ADGRL2: variants seen among roughly 807,000 people sequenced by gnomAD.
ADGRL2 encodes the protein adhesion G protein-coupled receptor L2.
A neutral mutation model predicts 157.4 loss-of-function variants in ADGRL2; 44 were observed. The ratio of observed to expected loss-of-function variants is 0.28; its 90% CI spans 0.22 to 0.36. The LOEUF is 0.36. ADGRL2 is among the 10% of genes least tolerant of loss of function. ADGRL2 has a pLI of 1.00. For synonymous variants in ADGRL2, 585 were observed against 624.7 expected (o/e 0.94, Z 0.95); for missense variants, 1,510 against 1,768.9 (o/e 0.85, Z 2.63).
rs188407375 is a variant in ADGRL2 at position 81,449,974 on chromosome 1, G to T, written c.-248+4885G>T. ...CCATTTCTCTGAATAGAAAACCAGA[G>T]TCTCTGAGGCTTATCAAGCACGAGC... On this transcript the variant is annotated intron_variant, in intron 2 of 24. Coordinates refer to the ADGRL2 transcript ENST00000370721. 2.0e-5 allele frequency among the ~76,000 whole-genome samples: 3 copies of T among 152,274 alleles called. No individual in the cohort carries two copies. In the East Asian group the frequency reaches 5.8e-4, roughly 29 times the overall value.
chr1:81,326,778 A>G (rs1007098760), intron 1 of ADGRL2, among the ~76,000 whole-genome samples: 1 of 152,210 alleles, frequency 6.6e-6, no homozygotes, highest in African/African-American at 2.4e-5. Context: ...TAATAAAGGT[A>G]AGTCTAAGAA....
chr1:81,511,395 A>AAC (rs1553172023), intron 2 of ADGRL2, among the ~76,000 whole-genome samples: 1 of 118,758 alleles, frequency 8.4e-6, no homozygotes, highest in South Asian at 2.9e-4. Context: ...AAAAAAAAAA[A>AAC]GCGCGCACAC....
In ADGRL2 at chr1:81,971,837, C is replaced by T; in HGVS notation, c.2955-15C>T. On this transcript the variant is annotated splice_polypyrimidine_tract_variant and intron_variant, in intron 16 of 23. Transcript: ENST00000686636. ...ATAGAAACTACTAATGCATATTCTT[C>T]TCTTTTCATAATAGTTGCTGGCTTC... 1 of 1,532,442 alleles carries T rather than the reference C, an allele frequency of 6.5e-7. No homozygotes were observed. Among genetic ancestry groups the T allele is most frequent in the East Asian group, 2.3e-5 (1 of 44,212 alleles). The allele number at this position is 1,532,442 out of a possible 1,614,324, so 94.9% of individuals were successfully genotyped here. A position where few individuals can be genotyped will look rare whatever the true frequency, so the allele number is the denominator to read the frequency against.
At chr1:81,390,644 G>A (rs1247599329) in intron 1 of ADGRL2, among the ~76,000 whole-genome samples, 2 of 152,294 alleles carry the variant, frequency 1.3e-5, no homozygotes, top group South Asian at 2.1e-4. Context: ...ATAGATTTAT[G>A]TAGTTTTTCA....
At chr1:81,579,006 C>T (rs2148529519) in intron 2 of ADGRL2, among the ~76,000 whole-genome samples, 1 of 152,270 alleles carries the variant, frequency 6.6e-6, no homozygotes, top group African/African-American at 2.4e-5. Flanking sequence ...TCATTCCCTG[C>T]TCAGAACAGT....
chr1:81,515,569 T>C lies in ADGRL2; in HGVS notation c.-247-65307T>C, dbSNP rs191510178. ...TTCACTTTGCTATGTGACTTGTATA[T>C]GTGGGCTCTTTTATAGTTTTCATTA... is the stretch of plus-strand genomic sequence containing the variant. On this transcript the variant is annotated intron_variant, in intron 2 of 24. Transcript: ENST00000370721. Among the ~76,000 whole-genome samples the C allele has an allele frequency of 3.3e-5, 5 of 152,358 alleles. No individual in the cohort carries two copies. In the East Asian group the frequency reaches 9.6e-4, roughly 29 times the overall value.
intron 1 of ADGRL2, among the ~76,000 whole-genome samples, chr1:81,404,403 C>T (rs1325810164): frequency 1.3e-5 from 2 of 152,110 alleles, no homozygotes. Flanking sequence ...CAAGAACTTC[C>T]AAATATTTAA....
intron 1 of ADGRL2, among the ~76,000 whole-genome samples, chr1:81,819,578 A>AT (rs2090772281): frequency 6.6e-6 from 1 of 151,998 alleles, no homozygotes; most frequent in Admixed American, 6.6e-5. Flanking sequence ...AGTGATACTA[A>AT]TTTTTTTTAA....
At chr1:81,411,231 G>C (rs142387926) in intron 1 of ADGRL2, among the ~76,000 whole-genome samples, 26 of 152,332 alleles carry the variant, frequency 1.7e-4, no homozygotes, top group African/African-American at 5.8e-4. Flanking sequence ...CAGAGTTGGC[G>C]AATGCAGATG....
At chr1:81,712,260 G>T (rs1167099216) in intron 1 of ADGRL2, among the ~76,000 whole-genome samples, 1 of 152,186 alleles carries the variant, frequency 6.6e-6, no homozygotes, top group Non-Finnish European at 1.5e-5. Context: ...GAGATTCCAT[G>T]TTGTATTGCA....
rs141174717 is a variant in ADGRL2, at chr1:81,392,503, A to G, written c.-301-52533A>G. ...TTGACAGAGCCCCAAGGAAGAAAAAAAAATTATCTATATTAGAGTAGTATT... is the reference window on the plus strand; with the variant it reads ...TTGACAGAGCCCCAAGGAAGAAAAAGAAATTATCTATATTAGAGTAGTATT... On this transcript the variant is annotated intron_variant, in intron 1 of 24. Coordinates refer to the ADGRL2 transcript ENST00000370721. Among the ~76,000 whole-genome samples the G allele has an allele frequency of 3.3e-5, 5 of 152,264 alleles. No homozygotes were observed. In the East Asian group the frequency reaches 9.6e-4, roughly 29 times the overall value.
intron 1 of ADGRL2, among the ~76,000 whole-genome samples, chr1:81,414,761 A>G (rs756631649): frequency 1.3e-5 from 2 of 152,178 alleles, no homozygotes; most frequent in Non-Finnish European, 2.9e-5. Flanking sequence ...TATTTTGGTG[A>G]TGGGAAAAGC....
chr1:81,823,641 A>G (rs1571449366), intron 1 of ADGRL2, among the ~76,000 whole-genome samples: 1 of 152,076 alleles, frequency 6.6e-6, no homozygotes, highest in East Asian at 1.9e-4. Flanking sequence ...ACTATGGACA[A>G]AAATGACACT....
chr1:81,807,192 T>C (rs759869802), intron 1 of ADGRL2, among the ~76,000 whole-genome samples: 13 of 151,990 alleles, frequency 8.6e-5, no homozygotes, highest in Non-Finnish European at 1.5e-4. Context: ...TCTGTGAATG[T>C]TTTGGTCATA....
chr1:81,698,367 C>A (rs1005027544), upstream of ADGRL2, among the ~76,000 whole-genome samples: 1 of 152,032 alleles, frequency 6.6e-6, no homozygotes, highest in Admixed American at 6.6e-5. Context: ...ATGAAAGAAG[C>A]CTTCAAGAGT....
intron 2 of ADGRL2, chr1:81,503,122 C>A (rs1570305117): frequency 3.1e-6 from 5 of 1,613,298 alleles, no homozygotes; most frequent in East Asian, 4.5e-5. Context: ...TGAGGAGGAG[C>A]AGCGCCTGGT....
In ADGRL2 at chr1:81,650,574, C is replaced by CAA. The variant is rs1180168819; in HGVS notation, c.-143+69612_-143+69613dup. Among the ~76,000 whole-genome samples the CAA allele has an allele frequency of 7.8e-3, 483 of 62,282 alleles. 8 individuals are homozygous for CAA. The highest frequency in any genetic ancestry group is 0.026 in the African/African-American group (446 of 17,042). 40.9% of individuals were successfully genotyped at this position (62,282 alleles called of 152,430 possible). The stretch of plus-strand genomic sequence containing the variant: ...CTGGCAACAGAGTGAGACTCCATCT[C>CAA]AAAAAAAAAAAAAAAAAAAGAAAAA... On this transcript the variant is annotated intron_variant, in intron 3 of 24. Coordinates refer to the ADGRL2 transcript ENST00000370721.
At chr1:81,503,201 G>A in intron 2 of ADGRL2, 2 of 1,614,190 alleles carry the variant, frequency 1.2e-6, no homozygotes, top group Admixed American at 1.7e-5. Flanking sequence ...AGGATCAACG[G>A]CAGGGAAGAC....
At chr1:81,602,048 A>G (rs2148635695) in intron 3 of ADGRL2, among the ~76,000 whole-genome samples, 1 of 152,300 alleles carries the variant, frequency 6.6e-6, no homozygotes, top group East Asian at 1.9e-4. Flanking sequence ...AGCTGCAAAC[A>G]CAAATGAAGA....
Sources: allele counts gnomAD v4.1 joint callset (sites outside exome capture counted in the v4.1 genomes callset), GRCh38; gene constraint gnomAD v4.1.1; transcripts MANE v1.5; gene names NCBI Gene and HGNC (gene_info 2026-07-23, HGNC 2026-07-21).